NRIP1: variants seen among roughly 807,000 people sequenced by gnomAD.
NRIP1 encodes nuclear receptor interacting protein 1, also known as nuclear receptor-interacting protein 1.
A neutral mutation model predicts 75.0 loss-of-function variants in NRIP1; 28 were observed. That is an observed-to-expected ratio of 0.37 (90% confidence interval 0.28 to 0.51). The LOEUF (loss-of-function observed/expected upper bound fraction) is 0.51. Among genes scored for constraint, NRIP1 ranks in the 20% least tolerant of loss-of-function variants. NRIP1 has a pLI of 0.92. For missense variants in NRIP1, 1,435 were observed against 1,343.7 expected, an observed-to-expected ratio of 1.07 and a Z score of -1.06; for synonymous variants, 526 against 487.6, an observed-to-expected ratio of 1.08 and a Z score of -1.04.
At chr21:15,050,547 T>G (rs1027990186) in intron 1 of NRIP1, 3 of 345,430 alleles carry the variant, frequency 8.7e-6, no homozygotes, top group Admixed American at 7.8e-5. Flanking sequence ...GAACTGAAAA[T>G]GAACTATACT....
Position 15,045,124 on chromosome 21 carries a change from T to C in NRIP1, c.-537-1550A>G, listed in dbSNP as rs559260849. 3.9e-5 allele frequency among the ~76,000 whole-genome samples: 6 copies of C among 152,328 alleles called. No homozygotes were observed. The East Asian group carries it at 1.2e-3, about 29-fold the overall frequency. ...AGTAAGACTCCTCCAGTATCTTATT[T>C]CAATGCTCTCCTAATCCCCCCGGCC... On this transcript the variant is annotated intron_variant, in intron 1 of 3. Transcript: ENST00000318948.
chr21:15,027,066 G>A (rs1024521120), intron 2 of NRIP1, among the ~76,000 whole-genome samples: 8 of 152,060 alleles, frequency 5.3e-5, no homozygotes, highest in African/African-American at 9.7e-5. Context: ...GCAAGTATCC[G>A]AAGACTTCAT....
intron 1 of NRIP1, among the ~76,000 whole-genome samples, chr21:15,053,914 T>A (rs1163549685): frequency 1.3e-5 from 2 of 152,200 alleles, no homozygotes; most frequent in Admixed American, 6.5e-5. Flanking sequence ...CTGTTAAAAA[T>A]CAGTGTTATA....
intron 1 of NRIP1, among the ~76,000 whole-genome samples, chr21:15,047,645 C>T (rs1016768080): frequency 3.9e-5 from 6 of 152,220 alleles, no homozygotes; most frequent in Non-Finnish European, 7.3e-5. Flanking sequence ...ATTCAATTAC[C>T]TCCCACTGGG....
chr21:15,040,823 AG>A (rs1261763486), intron 2 of NRIP1, among the ~76,000 whole-genome samples: 1 of 152,136 alleles, frequency 6.6e-6, no homozygotes, highest in African/African-American at 2.4e-5. Flanking sequence ...ATAACTCCTA[AG>A]AAACAACTTT....
rs1053117343 is a variant in NRIP1, at chr21:14,962,112, C to A, written c.*2604G>T. The A allele has an allele frequency of 2.7e-5, 4 of 149,280 alleles. No individual in the cohort carries two copies. The highest frequency in any genetic ancestry group is 9.8e-5 in the African/African-American group (4 of 40,772). 9.2% of individuals were successfully genotyped at this position (149,280 alleles called of 1,614,324 possible). ...GAGAATAAACAGGTAATGAATGCTA[C>A]CTTACTGATGTCAATAAGCTGTAGT... is the stretch of plus-strand genomic sequence containing the variant. On this transcript the variant is annotated 3_prime_UTR_variant, in exon 4 of 4. Coordinates refer to ENST00000318948, the MANE Select transcript of NRIP1 (RefSeq NM_003489.4).
chr21:15,050,827 C>G (rs1311142330), intron 1 of NRIP1: 5 of 455,934 alleles, frequency 1.1e-5, no homozygotes, highest in Admixed American at 2.3e-5. Flanking sequence ...CAATCCACAG[C>G]GATACCTCCT....
rs1256302692 is a variant in NRIP1 at position 14,962,204 on chromosome 21, T to G, written c.*2512A>C. ...ATCTAAAATAGTCCTTGAAAATGTG[T>G]ATATGTGCATCCTTGTATCTACATA... On this transcript the variant is annotated 3_prime_UTR_variant, in exon 4 of 4. Coordinates refer to ENST00000318948, the MANE Select transcript of NRIP1 (RefSeq NM_003489.4). 10 of 151,738 alleles carry G rather than the reference T, an allele frequency of 6.6e-5. No individual in the cohort carries two copies. The highest frequency in any genetic ancestry group is 2.4e-4 in the African/African-American group (10 of 41,362). The allele number at this position is 151,738 out of a possible 1,614,324, so 9.4% of individuals were successfully genotyped here.
Position 14,999,371 on chromosome 21 carries a change from T to A in NRIP1, c.-335+14973A>T, listed in dbSNP as rs78417565. Among the ~76,000 whole-genome samples, 1,213 of 152,286 alleles carry A rather than the reference T, an allele frequency of 8.0e-3. 13 individuals are homozygous for A. The highest frequency in any genetic ancestry group is 0.026 in the African/African-American group (1,090 of 41,562). ...ACCCATTCTTGGCATGGAAGTCTAC[T>A]GAGTCCACATCCATAGGGAGCAATT... On this transcript the variant is annotated intron_variant, in intron 3 of 3. Coordinates refer to ENST00000318948, the MANE Select transcript of NRIP1 (RefSeq NM_003489.4).
intron 3 of NRIP1, 31 bp downstream of exon 3, chr21:15,014,313 C>A: frequency 2.5e-6 from 1 of 395,908 alleles, no homozygotes; most frequent in Non-Finnish European, 4.5e-6. Context: ...AATGATTAAG[C>A]CTTAAGAACT....
At chr21:14,981,853 T>C (rs969657122) in intron 3 of NRIP1, among the ~76,000 whole-genome samples, 10 of 17,006 alleles carry the variant, frequency 5.9e-4, no homozygotes, top group African/African-American at 2.5e-3. Context: ...GTTCATTTGA[T>C]TTTTTTTTTT....
At chr21:15,046,569 T>C (rs912853074) in intron 1 of NRIP1, among the ~76,000 whole-genome samples, 25 of 152,158 alleles carry the variant, frequency 1.6e-4, no homozygotes, top group African/African-American at 6.0e-4. Flanking sequence ...AACATTGGTT[T>C]CCACTTCAAG....
At chr21:15,047,675 G>C (rs1313673410) in intron 1 of NRIP1, among the ~76,000 whole-genome samples, 1 of 152,176 alleles carries the variant, frequency 6.6e-6, no homozygotes, top group Non-Finnish European at 1.5e-5. Flanking sequence ...GGACACATGG[G>C]GAGTATAGGA....
chr21:15,000,366 G>A (rs1568970330), intron 3 of NRIP1, among the ~76,000 whole-genome samples: 1 of 152,036 alleles, frequency 6.6e-6, no homozygotes, highest in East Asian at 1.9e-4. Context: ...TGTTTATTAA[G>A]CAGTTATTAT....
chr21:15,015,992 G>A (rs943647402), intron 2 of NRIP1, among the ~76,000 whole-genome samples: 1 of 152,070 alleles, frequency 6.6e-6, no homozygotes, highest in East Asian at 1.9e-4. Flanking sequence ...GCTATCACAC[G>A]GCCACCAGCA....
At chr21:15,065,203 G>A (rs1246476178), upstream of NRIP1, among the ~76,000 whole-genome samples, 1 of 152,076 alleles carries the variant, frequency 6.6e-6, no homozygotes, top group African/African-American at 2.4e-5. Flanking sequence ...GCGGCTCACA[G>A]GAGCTGCGGA....
chr21:15,031,868 T>C (rs1246646701), intron 2 of NRIP1, among the ~76,000 whole-genome samples: 2 of 151,740 alleles, frequency 1.3e-5, no homozygotes, highest in African/African-American at 4.9e-5. Flanking sequence ...TCCCTTTCTA[T>C]GTGTATACAC....
At position 14,967,185 on chromosome 21, in the gene NRIP1, C is replaced by T. The variant is rs1467091686; in HGVS notation, c.1008G>A (p.Leu336=). The T allele has an allele frequency of 6.2e-7, 1 of 1,614,064 alleles. No individual in the cohort carries two copies. The highest frequency in any genetic ancestry group is 1.1e-5 in the South Asian group (1 of 91,070). Residue 336 remains leucine (L), a synonymous_variant, in exon 4 of 4, where the codon CTG becomes CTA. Transcript: ENST00000318948. ...NGQARTSSSK[L]MASKSSATVF... is the part of the protein sequence containing the mutation. ...CTGTAGCACTACTTTTGCTAGCCAT[C>T]AGTTTGCTTGATGATGTTCTTGCCT...
chr21:15,009,057 AGCT>A (rs540239456), intron 3 of NRIP1, among the ~76,000 whole-genome samples: 3 of 152,242 alleles, frequency 2.0e-5, no homozygotes. Context: ...AAAGTTTGAA[AGCT>A]GCTGCTATTA....
Sources: allele counts gnomAD v4.1 joint callset (sites outside exome capture counted in the v4.1 genomes callset), GRCh38; gene constraint gnomAD v4.1.1; transcripts MANE v1.5; gene names NCBI Gene and HGNC (gene_info 2026-07-23, HGNC 2026-07-21).